The following FSTL5 variants were observed in gnomAD, a reference collection of about 807,000 sequenced individuals.
FSTL5 encodes the protein follistatin like 5, also known as follistatin-related protein 5.
Under a neutral mutation model 89.1 loss-of-function variants are expected in FSTL5, and 62 were observed. The ratio of observed to expected loss-of-function variants is 0.70; its 90% confidence interval spans 0.57 to 0.86. The LOEUF (loss-of-function observed/expected upper bound fraction) is 0.86, where lower values mean the gene tolerates loss of function less well. Ranked by LOEUF, FSTL5 falls within the 40% of genes least tolerant of loss-of-function variation. FSTL5 has a pLI of 0.00. For missense variants in FSTL5, 1,057 were observed against 1,001.6 expected, an observed-to-expected ratio of 1.06 and a Z score of -0.75; for synonymous variants, 383 against 346.2, an observed-to-expected ratio of 1.11 and a Z score of -1.18.
intron 7 of FSTL5, among the ~76,000 whole-genome samples, chr4:161,653,532 A>G (rs1345265614): frequency 1.3e-5 from 2 of 152,176 alleles, no homozygotes; most frequent in Non-Finnish European, 2.9e-5. Flanking sequence ...AAGAATTGCC[A>G]TAACATTGAC....
chr4:161,930,531 C>T (rs992904755), intron 3 of FSTL5, among the ~76,000 whole-genome samples: 1 of 151,506 alleles, frequency 6.6e-6, no homozygotes, highest in African/African-American at 2.4e-5. Context: ...GAGGATTACA[C>T]CAATGTTAGT....
intron 1 of FSTL5, among the ~76,000 whole-genome samples, chr4:162,118,988 A>G (rs1369201505): frequency 6.6e-6 from 1 of 152,168 alleles, no homozygotes; most frequent in African/African-American, 2.4e-5. Flanking sequence ...ATACAAGGTG[A>G]GAGAACCTCC....
chr4:161,696,192 T>G (rs997339706), intron 6 of FSTL5, among the ~76,000 whole-genome samples: 4 of 152,144 alleles, frequency 2.6e-5, no homozygotes, highest in Non-Finnish European at 5.9e-5. Context: ...GCCAATTAAC[T>G]CAACACCATT....
chr4:162,048,440 A>G (rs1477341152), intron 2 of FSTL5, among the ~76,000 whole-genome samples: 2 of 152,130 alleles, frequency 1.3e-5, no homozygotes, highest in African/African-American at 2.4e-5. Context: ...ACCTTAGAAT[A>G]ATTTAAATTG....
intron 4 of FSTL5, among the ~76,000 whole-genome samples, chr4:161,784,810 C>T (rs1352332960): frequency 3.3e-5 from 5 of 150,968 alleles, no homozygotes; most frequent in South Asian, 4.2e-4. Flanking sequence ...AGGAGAATGG[C>T]GTGAACCCAG....
chr4:161,668,622 T>C (rs1736978351), intron 6 of FSTL5, among the ~76,000 whole-genome samples: 1 of 152,074 alleles, frequency 6.6e-6, no homozygotes, highest in South Asian at 2.1e-4. Context: ...CTCAACAAAA[T>C]ATTAGCTAAT....
chr4:161,400,033 T>C (rs1014561231), intron 15 of FSTL5, among the ~76,000 whole-genome samples: 1 of 152,156 alleles, frequency 6.6e-6, no homozygotes, highest in Non-Finnish European at 1.5e-5. Context: ...GACTAGTATC[T>C]AAATCTATTA....
chr4:161,977,033 G>A (rs566803823), intron 3 of FSTL5, among the ~76,000 whole-genome samples: 11 of 151,988 alleles, frequency 7.2e-5, no homozygotes, highest in African/African-American at 2.2e-4. Context: ...AAAAGTAATG[G>A]GAAGAAAAAT....
At chr4:161,757,503 C>G (rs1402540182) in intron 6 of FSTL5, among the ~76,000 whole-genome samples, 1 of 152,108 alleles carries the variant, frequency 6.6e-6, no homozygotes, top group Non-Finnish European at 1.5e-5. Context: ...GGGAAAAACA[C>G]ATAGACTTCA....
chr4:162,093,218 T>G (rs1288542851), intron 2 of FSTL5, among the ~76,000 whole-genome samples: 1 of 152,124 alleles, frequency 6.6e-6, no homozygotes, highest in East Asian at 1.9e-4. Context: ...GAAAAACCAC[T>G]GAAATACAGC....
chr4:161,665,628 G>A (rs1181133217), intron 6 of FSTL5, among the ~76,000 whole-genome samples: 1 of 152,038 alleles, frequency 6.6e-6, no homozygotes, highest in Non-Finnish European at 1.5e-5. Context: ...AGCAAAAGTA[G>A]AAACAAGAAA....
At chr4:161,957,374 T>C (rs1735053217) in intron 3 of FSTL5, among the ~76,000 whole-genome samples, 1 of 152,156 alleles carries the variant, frequency 6.6e-6, no homozygotes, top group Admixed American at 6.6e-5. Flanking sequence ...AATAATTATA[T>C]TCTTATGTCA....
At chr4:161,612,613 C>T (rs534682063) in intron 7 of FSTL5, among the ~76,000 whole-genome samples, 2 of 152,246 alleles carry the variant, frequency 1.3e-5, no homozygotes, top group African/African-American at 2.4e-5. Context: ...ATGTAATTCA[C>T]TTGGGGATGA....
intron 4 of FSTL5, among the ~76,000 whole-genome samples, chr4:161,810,222 G>T (rs1311038308): frequency 6.6e-6 from 1 of 152,058 alleles, no homozygotes; most frequent in Non-Finnish European, 1.5e-5. Context: ...CTTAAATCAT[G>T]ACAGTATTGT....
intron 2 of FSTL5, among the ~76,000 whole-genome samples, chr4:162,047,854 A>G (rs1291034895): frequency 6.6e-6 from 1 of 151,972 alleles, no homozygotes; most frequent in Non-Finnish European, 1.5e-5. Flanking sequence ...AGCAAACAAC[A>G]ACAACAAAAA....
intron 2 of FSTL5, among the ~76,000 whole-genome samples, chr4:162,049,512 C>A (rs13145919): frequency 0.36 from 54,204 of 151,950 alleles, 10,478 homozygotes; most frequent in Non-Finnish European, 0.44. Context: ...TTCAAAGGTA[C>A]ACTTCTCAGT....
At chr4:162,158,565 C>T (rs540928595) in intron 1 of FSTL5, among the ~76,000 whole-genome samples, 1 of 151,938 alleles carries the variant, frequency 6.6e-6, no homozygotes, top group East Asian at 1.9e-4. Flanking sequence ...AGTTACTGGA[C>T]TTTTGACCTA....
At chr4:161,587,434 G>A (rs1733653532) in intron 8 of FSTL5, 21 bp downstream of exon 8, 2 of 1,611,114 alleles carry the variant, frequency 1.2e-6, no homozygotes, top group African/African-American at 1.3e-5. Context: ...AATAGTTAGG[G>A]TAACAAAAAT....
intron 2 of FSTL5, among the ~76,000 whole-genome samples, chr4:162,080,408 C>T (rs1405933502): frequency 6.6e-6 from 1 of 151,442 alleles, no homozygotes; most frequent in Non-Finnish European, 1.5e-5. Flanking sequence ...GTGCACAAAA[C>T]TGTGTAATGA....
Sources: allele counts gnomAD v4.1 joint callset (sites outside exome capture counted in the v4.1 genomes callset), GRCh38; gene constraint gnomAD v4.1.1; transcripts MANE v1.5; gene names NCBI Gene and HGNC (gene_info 2026-07-23, HGNC 2026-07-21).